ZNF804B: variants seen among roughly 807,000 people sequenced by gnomAD.
ZNF804B encodes zinc finger 804B.
ZNF804B carries 80 observed loss-of-function variants against 101.4 expected under a neutral mutation model. The ratio of observed to expected loss-of-function variants is 0.79; its 90% CI spans 0.66 to 0.95. ZNF804B has a LOEUF of 0.95. Among genes scored for constraint, ZNF804B ranks in the 40% least tolerant of loss-of-function variants. The pLI is 0.00. For synonymous variants in ZNF804B, 622 were observed against 558.8 expected, an observed-to-expected ratio of 1.11 and a Z score of -1.59; for missense variants, 1,673 against 1,561.9, an observed-to-expected ratio of 1.07 and a Z score of -1.20.
chr7:89,062,471 A>G (rs1486004790), intron 1 of ZNF804B, among the ~76,000 whole-genome samples: 1 of 152,112 alleles, frequency 6.6e-6, no homozygotes, highest in African/African-American at 2.4e-5. Context: ...AGTCTCTCCA[A>G]AATGACTTTT....
intron 1 of ZNF804B, among the ~76,000 whole-genome samples, chr7:88,857,640 A>G (rs139129273): frequency 2.1e-3 from 322 of 152,034 alleles, no homozygotes; most frequent in Middle Eastern, 6.8e-3. Flanking sequence ...CAACCAAAAA[A>G]AGTCCAGGAC....
At chr7:88,822,187 T>C (rs532509024) in intron 1 of ZNF804B, among the ~76,000 whole-genome samples, 1 of 152,290 alleles carries the variant, frequency 6.6e-6, no homozygotes, top group South Asian at 2.1e-4. Flanking sequence ...GGAAAGATCT[T>C]TTACTAGTGC....
chr7:89,048,111 CCT>C lies in ZNF804B; in HGVS notation c.109-170043_109-170042del, dbSNP rs369797271. Among the ~76,000 whole-genome samples the C allele has an allele frequency of 4.6e-3, 698 of 152,114 alleles. 6 individuals are homozygous for C. The highest frequency in any genetic ancestry group is 0.016 in the African/African-American group (663 of 41,494). On this transcript the variant is annotated intron_variant, in intron 1 of 3. Coordinates refer to ENST00000333190, the MANE Select transcript of ZNF804B (RefSeq NM_181646.5). The stretch of plus-strand genomic sequence containing the variant: ...CCCTTACCCCTTCCCATCCTTTCCC[CCT>C]GAGTTCCCAAAGTCCATTGTGTCAT...
chr7:89,296,091 A>G (rs1461956003), intron 2 of ZNF804B, among the ~76,000 whole-genome samples: 2 of 152,168 alleles, frequency 1.3e-5, no homozygotes, highest in Admixed American at 1.3e-4. Flanking sequence ...GTCAGAATTC[A>G]TCACTATATA....
chr7:88,854,414 C>CTTCCTTTCTTT (rs1791502231), intron 1 of ZNF804B, among the ~76,000 whole-genome samples: 3 of 57,114 alleles, frequency 5.3e-5, no homozygotes, highest in East Asian at 7.6e-4. Context: ...TTTCTTTCTT[C>CTTCCTTTCTTT]CTTTCTTTCT....
intron 1 of ZNF804B, among the ~76,000 whole-genome samples, chr7:88,937,624 A>T (rs1056335663): frequency 6.6e-6 from 1 of 152,076 alleles, no homozygotes; most frequent in Non-Finnish European, 1.5e-5. Context: ...TCTAGGCAAA[A>T]GCAAGTTTCA....
intron 1 of ZNF804B, among the ~76,000 whole-genome samples, chr7:89,101,017 C>T (rs1790047186): frequency 1.3e-5 from 2 of 151,816 alleles, no homozygotes; most frequent in Non-Finnish European, 2.9e-5. Flanking sequence ...CATACCAAAC[C>T]ACCCACAAAA....
chr7:89,232,991 C>G (rs375904480), intron 2 of ZNF804B, among the ~76,000 whole-genome samples: 2 of 152,002 alleles, frequency 1.3e-5, no homozygotes, highest in Non-Finnish European at 2.9e-5. Context: ...GCGCGATCTC[C>G]ACTCACTGCA....
chr7:89,039,631 AT>A, intron 1 of ZNF804B, among the ~76,000 whole-genome samples: 1 of 139,940 alleles, frequency 7.1e-6, no homozygotes, highest in Middle Eastern at 3.9e-3. Context: ...GAAAAAATTT[AT>A]TTTTTTCTCT....
At chr7:88,789,948 A>G (rs1790354585) in intron 1 of ZNF804B, among the ~76,000 whole-genome samples, 1 of 152,140 alleles carries the variant, frequency 6.6e-6, no homozygotes, top group South Asian at 2.1e-4. Flanking sequence ...TCACCCTGGA[A>G]GAGTTTTTCC....
rs1268406131 is a variant in ZNF804B at position 88,759,952 on chromosome 7, ACT to A, written c.-22_-21del. On this transcript the variant is annotated 5_prime_UTR_variant, in exon 1 of 4. Coordinates refer to ENST00000333190, the MANE Select transcript of ZNF804B (RefSeq NM_181646.5). The stretch of plus-strand genomic sequence containing the variant: ...GCTGGTCGCCTGGTGAGGAGTTGAG[ACT>A]CTGCGCCTCCGCCCGGACCCACATG... 4 of 1,603,726 alleles carry A rather than the reference ACT, an allele frequency of 2.5e-6. No homozygotes were observed. Among genetic ancestry groups the A allele is most frequent in the Non-Finnish European group, 3.4e-6 (4 of 1,172,138 alleles).
chr7:89,178,124 T>C (rs957369030), intron 1 of ZNF804B, among the ~76,000 whole-genome samples: 6 of 152,090 alleles, frequency 3.9e-5, no homozygotes, highest in African/African-American at 1.4e-4. Flanking sequence ...GCATGAAGTA[T>C]CTTTTTCTAT....
Position 89,081,121 on chromosome 7 carries a change from A to G in ZNF804B, c.109-137034A>G, listed in dbSNP as rs1789691645. Among the ~76,000 whole-genome samples the G allele has an allele frequency of 3.9e-5, 6 of 151,940 alleles. No homozygotes were observed. In the South Asian group the frequency reaches 1.2e-3, roughly 31 times the overall value. ...GATGAATTGGGCTTTGCTATCCTGT[A>G]TCTAATAGAGCCAAGATTGCTCCTT... is the stretch of plus-strand genomic sequence containing the variant. On this transcript the variant is annotated intron_variant, in intron 1 of 3. Transcript: ENST00000333190.
intron 1 of ZNF804B, among the ~76,000 whole-genome samples, chr7:88,801,533 C>T (rs1419766772): frequency 2.6e-5 from 4 of 152,122 alleles, no homozygotes; most frequent in Admixed American, 2.0e-4. Context: ...TCCCTCTTAT[C>T]TTCTGCCAGC....
At chr7:89,059,421 A>T (rs568775572) in intron 1 of ZNF804B, among the ~76,000 whole-genome samples, 11 of 152,156 alleles carry the variant, frequency 7.2e-5, no homozygotes, top group Non-Finnish European at 1.6e-4. Flanking sequence ...TAGGCGTGTC[A>T]CATGGCAAGA....
At chr7:89,217,966 A>T (rs560639657) in intron 1 of ZNF804B, among the ~76,000 whole-genome samples, 189 bp from the exon 2 acceptor site, 64 of 152,274 alleles carry the variant, frequency 4.2e-4, no homozygotes, top group African/African-American at 1.4e-3. Flanking sequence ...TACTTTAGAA[A>T]TCATGATATG....
At chr7:88,847,321 A>C (rs1183031314) in intron 1 of ZNF804B, among the ~76,000 whole-genome samples, 3 of 152,054 alleles carry the variant, frequency 2.0e-5, no homozygotes, top group Non-Finnish European at 4.4e-5. Flanking sequence ...TTCAAGAAAA[A>C]CTGGGTTTCC....
chr7:88,814,175 A>G (rs1383231278), intron 1 of ZNF804B, among the ~76,000 whole-genome samples: 1 of 152,176 alleles, frequency 6.6e-6, no homozygotes, highest in Non-Finnish European at 1.5e-5. Context: ...TGTCAAGTGA[A>G]TAAGACTTTT....
Position 89,294,043 on chromosome 7 carries a change from G to C in ZNF804B, c.250-33301G>C, listed in dbSNP as rs1364226503. ...TCATTTGGTAGTCTGCCTTAAGTGA[G>C]TCAAGGCTCACATTCTTTCTCTTCT... On this transcript the variant is annotated intron_variant, in intron 2 of 3. Coordinates refer to ENST00000333190, the MANE Select transcript of ZNF804B (RefSeq NM_181646.5). Among the ~76,000 whole-genome samples the C allele has an allele frequency of 2.0e-5, 3 of 152,276 alleles. No individual in the cohort carries two copies. The East Asian group carries it at 5.8e-4, about 29-fold the overall frequency.
Sources: allele counts gnomAD v4.1 joint callset (sites outside exome capture counted in the v4.1 genomes callset), GRCh38; gene constraint gnomAD v4.1.1; transcripts MANE v1.5; gene names NCBI Gene and HGNC (gene_info 2026-07-23, HGNC 2026-07-21).